PRH1: variants seen among roughly 807,000 people sequenced by gnomAD.
PRH1 encodes salivary acidic proline-rich phosphoprotein 1/2.
In PRH1, 7 loss-of-function variants were observed where a neutral mutation model predicts 7.9. That is an observed-to-expected ratio of 0.89 (90% CI 0.50 to 1.67). The LOEUF is 1.67. Ranked by LOEUF, PRH1 falls within the 40% of genes most tolerant of loss-of-function variation. The pLI is 0.00. For synonymous variants in PRH1, 45 were observed against 80.8 expected (o/e 0.56, Z 2.38); for missense variants, 109 against 223.6 (o/e 0.49, Z 3.27).
intron 1 of PRH1, among the ~76,000 whole-genome samples, chr12:11,163,950 C>T (rs1252647893): frequency 6.6e-6 from 1 of 152,128 alleles, no homozygotes; most frequent in Non-Finnish European, 1.5e-5. Context: ...ATTTCTTGGG[C>T]AGCAATCTAG....
chr12:10,899,322 A>G (rs1949692273), intron 2 of PRH1, among the ~76,000 whole-genome samples: 1 of 152,106 alleles, frequency 6.6e-6, no homozygotes, highest in Non-Finnish European at 1.5e-5. Flanking sequence ...CAGGGGACCA[A>G]GTCAGAATGC....
At chr12:11,027,634 G>A (rs963475102) in intron 1 of PRH1, among the ~76,000 whole-genome samples, 1 of 152,160 alleles carries the variant, frequency 6.6e-6, no homozygotes, top group African/African-American at 2.4e-5. Flanking sequence ...GGTCTCAAGT[G>A]GAATCCAGAA....
At chr12:11,052,044 C>T (rs989058052), upstream of PRH1, among the ~76,000 whole-genome samples, 1 of 152,278 alleles carries the variant, frequency 6.6e-6, no homozygotes, top group Admixed American at 6.5e-5. Flanking sequence ...TCCTCACAGA[C>T]ATAGAAAAGC....
At chr12:11,046,077 T>A (rs1164897574) in intron 1 of PRH1, among the ~76,000 whole-genome samples, 2 of 152,154 alleles carry the variant, frequency 1.3e-5, no homozygotes, top group African/African-American at 4.8e-5. Context: ...TTTTTAATAG[T>A]CTTCAATTAC....
intron 1 of PRH1, among the ~76,000 whole-genome samples, chr12:10,994,589 G>A (rs73051630): frequency 0.12 from 18,167 of 152,170 alleles, 1,218 homozygotes; most frequent in Non-Finnish European, 0.15. Flanking sequence ...CATTTCTGCA[G>A]TGGACCTCCT....
chr12:10,991,231 C>T (rs181338445), intron 1 of PRH1, among the ~76,000 whole-genome samples: 1 of 152,128 alleles, frequency 6.6e-6, no homozygotes, highest in East Asian at 1.9e-4. Context: ...TAAAAATTAA[C>T]TCATAATTAA....
intron 2 of PRH1, among the ~76,000 whole-genome samples, chr12:10,891,106 C>T (rs1490616796): frequency 6.6e-6 from 1 of 152,100 alleles, no homozygotes; most frequent in Non-Finnish European, 1.5e-5. Context: ...TCAGGCCCAG[C>T]CCGAATCCCT....
At chr12:11,128,698 T>A (rs1029275851) in intron 1 of PRH1, among the ~76,000 whole-genome samples, 18 of 152,160 alleles carry the variant, frequency 1.2e-4, no homozygotes, top group African/African-American at 1.4e-4. Flanking sequence ...TTAGTCGAGA[T>A]CACGCCACTG....
At chr12:11,068,182 T>C (rs998493646) in intron 1 of PRH1, among the ~76,000 whole-genome samples, 1 of 152,330 alleles carries the variant, frequency 6.6e-6, no homozygotes. Flanking sequence ...AATATATGTC[T>C]TCTTGCTGAT....
At chr12:11,021,525 T>A in intron 1 of PRH1, 1 of 539,848 alleles carries the variant, frequency 1.9e-6, no homozygotes, top group East Asian at 3.1e-5. Context: ...TTTCTAGGTA[T>A]CTGTTTTGAA....
intron 2 of PRH1, among the ~76,000 whole-genome samples, chr12:10,891,277 T>A (rs899835676): frequency 2.0e-5 from 3 of 152,174 alleles, no homozygotes; most frequent in Non-Finnish European, 4.4e-5. Flanking sequence ...CTTTGGGAGA[T>A]CCTTAATCTT....
At chr12:11,153,876 A>G in intron 1 of PRH1, among the ~76,000 whole-genome samples, 1 of 152,172 alleles carries the variant, frequency 6.6e-6, no homozygotes, top group Non-Finnish European at 1.5e-5. Flanking sequence ...AATACATATA[A>G]TGTGAATTAT....
intron 1 of PRH1, among the ~76,000 whole-genome samples, chr12:11,089,638 C>T (rs1204046728): frequency 7.6e-6 from 1 of 130,866 alleles, no homozygotes; most frequent in South Asian, 2.2e-4. Context: ...ACATTAAAAA[C>T]ATTTTGGTAA....
intron 1 of PRH1, among the ~76,000 whole-genome samples, chr12:11,054,389 G>C (rs1366805687): frequency 6.6e-6 from 1 of 152,078 alleles, no homozygotes; most frequent in African/African-American, 2.4e-5. Context: ...TTATTAACAA[G>C]TGAAATTCTC....
At chr12:10,908,291 A>C in intron 2 of PRH1, 1 of 1,156,962 alleles carries the variant, frequency 8.6e-7, no homozygotes, top group Non-Finnish European at 1.2e-6. Flanking sequence ...AACCAGGGGA[A>C]GCATAAAATA....
At chr12:11,162,528 A>G (rs1947446369) in intron 1 of PRH1, among the ~76,000 whole-genome samples, 1 of 152,206 alleles carries the variant, frequency 6.6e-6, no homozygotes. Flanking sequence ...ATAAGACTTT[A>G]ATGCATCCCC....
intron 2 of PRH1, among the ~76,000 whole-genome samples, chr12:10,912,582 G>A (rs1949915983): frequency 1.3e-5 from 2 of 151,608 alleles, no homozygotes; most frequent in Admixed American, 6.6e-5. Flanking sequence ...CTCTTATATT[G>A]TTATTTAATT....
In PRH1 at chr12:10,997,068, T is replaced by C. The variant is rs138274249; in HGVS notation, c.-125-23347A>G. The stretch of plus-strand genomic sequence containing the variant: ...ATGAATGAGTGGAATGATGGATATA[T>C]GATTCCAAAAGCTTGGCAAAGCATT... On this transcript the variant is annotated intron_variant, in intron 1 of 3. Coordinates refer to the PRH1 transcript ENST00000539853. 8.1e-4 allele frequency: 1,307 copies of C among 1,614,096 alleles called. 11 individuals are homozygous for C. The African/African-American group carries it at 0.015, about 18-fold the overall frequency.
At chr12:10,928,594 T>C (rs558189035) in intron 2 of PRH1, among the ~76,000 whole-genome samples, 2 of 152,336 alleles carry the variant, frequency 1.3e-5, no homozygotes, top group South Asian at 4.1e-4. Flanking sequence ...GCACCAACGC[T>C]TGCCTGAGTG....
Sources: gnomAD v4.1 joint callset for allele counts (sites outside exome capture counted in the v4.1 genomes callset) on GRCh38, gnomAD v4.1.1 for gene constraint, MANE v1.5 for transcripts, NCBI Gene and HGNC (gene_info 2026-07-23, HGNC 2026-07-21) for gene names.